AGAP1: variants seen among roughly 807,000 people sequenced by gnomAD.
AGAP1 encodes arf-GAP with GTPase, ANK repeat and PH domain-containing protein 1.
In AGAP1, 29 loss-of-function variants were observed where a neutral mutation model predicts 105.3. That is an observed-to-expected ratio of 0.28 (90% CI 0.21 to 0.38). AGAP1 has a LOEUF of 0.38. AGAP1 is among the 10% of genes least tolerant of loss of function. The pLI is 1.00. For synonymous variants in AGAP1, 509 were observed against 485.9 expected (o/e 1.05, Z -0.63); for missense variants, 998 against 1,165.1 (o/e 0.86, Z 2.09).
At chr2:235,527,589 C>T (rs1162910547) in intron 1 of AGAP1, among the ~76,000 whole-genome samples, 2 of 152,134 alleles carry the variant, frequency 1.3e-5, no homozygotes, top group Non-Finnish European at 2.9e-5. Flanking sequence ...AGGTCTCGCT[C>T]TGTTGTCAGG....
chr2:235,626,702 C>T (rs1024888658), intron 1 of AGAP1, among the ~76,000 whole-genome samples: 6 of 152,062 alleles, frequency 3.9e-5, no homozygotes, highest in African/African-American at 1.4e-4. Flanking sequence ...TTCTGAGGGG[C>T]GAAAGTATAG....
intron 1 of AGAP1, among the ~76,000 whole-genome samples, chr2:235,565,256 G>C (rs999810809): frequency 1.3e-5 from 2 of 151,956 alleles, no homozygotes; most frequent in African/African-American, 4.8e-5. Context: ...TGAGCCAGGA[G>C]CATCTTCGCA....
chr2:235,831,144 CTT>C (rs1464161380), intron 9 of AGAP1, among the ~76,000 whole-genome samples: 1 of 148,592 alleles, frequency 6.7e-6, no homozygotes, highest in African/African-American at 2.5e-5. Flanking sequence ...ACATTCGAGA[CTT>C]TAACTAGATT....
rs2059169719 is a variant in AGAP1, at chr2:236,095,472, A to G, written c.2115-24720A>G. On this transcript the variant is annotated intron_variant, in intron 16 of 17. Coordinates refer to ENST00000304032, the MANE Select transcript of AGAP1 (RefSeq NM_001037131.3). This position sits in a 1 kb window ranked among gnomAD's most constrained non-coding sequence, Gnocchi z 4.1. ...GGCTGGAGGATCACTTGAGCACAGG[A>G]GTTTGAGACCAGCGTGGGCAACATA... 6.6e-6 allele frequency among the ~76,000 whole-genome samples: 1 copy of G among 152,094 alleles called. No homozygotes were observed. Among genetic ancestry groups the G allele is most frequent in the South Asian group, 2.1e-4 (1 of 4,814 alleles).
chr2:235,943,949 T>C (rs1028777994), intron 12 of AGAP1, among the ~76,000 whole-genome samples: 7 of 152,198 alleles, frequency 4.6e-5, no homozygotes, highest in South Asian at 2.1e-4. Flanking sequence ...GAAAGTGATA[T>C]TAATATTAAT....
chr2:235,978,217 A>G (rs1396210233), intron 13 of AGAP1, among the ~76,000 whole-genome samples: 1 of 152,184 alleles, frequency 6.6e-6, no homozygotes, highest in African/African-American at 2.4e-5. Flanking sequence ...GGAGGGAGAC[A>G]AACATTCAGT....
chr2:236,124,041 C>T lies in AGAP1; in HGVS notation c.2493C>T (p.Phe831=), dbSNP rs1371410744. ...AGTACGGCTGCCCCGACGAGCGCTT[C>T]GTGCTCATGGCCACCCCTAACCTGT... ...LLQYGCPDER[F]VLMATPNLSR... is the part of the protein sequence containing the mutation. Residue 831 remains phenylalanine, a synonymous_variant, in exon 18 of 18, where the codon TTC becomes TTT. Coordinates refer to ENST00000304032, the MANE Select transcript of AGAP1 (RefSeq NM_001037131.3). This position sits in a 1 kb window ranked among gnomAD's most constrained non-coding sequence, Gnocchi z 5.1. 3.7e-6 allele frequency: 6 copies of T among 1,614,002 alleles called. No homozygotes were observed. The highest frequency in any genetic ancestry group is 1.6e-4 in the Middle Eastern group (1 of 6,084).
chr2:235,995,406 C>T (rs747981294), intron 13 of AGAP1, among the ~76,000 whole-genome samples: 2 of 151,242 alleles, frequency 1.3e-5, no homozygotes, highest in Non-Finnish European at 2.9e-5. Flanking sequence ...CCTAGCTCCT[C>T]GGGAGGCTGA....
intron 1 of AGAP1, among the ~76,000 whole-genome samples, chr2:235,699,692 T>G (rs1319590398): frequency 6.6e-6 from 1 of 152,232 alleles, no homozygotes; most frequent in Non-Finnish European, 1.5e-5. Flanking sequence ...GCCACAGTGC[T>G]TTACCCATAG....
rs1956771635 is a variant in AGAP1 at position 235,788,313 on chromosome 2, C to A, written c.674-9446C>A. Among the ~76,000 whole-genome samples, 1 of 152,094 alleles carries A rather than the reference C, an allele frequency of 6.6e-6. No individual in the cohort carries two copies. Among genetic ancestry groups the A allele is most frequent in the African/African-American group, 2.4e-5 (1 of 41,408 alleles). ...CTAATCCCTAAGGATAGGAAAAGAC[C>A]TAGAAGATTTGAGGATTTTAATTCA... On this transcript the variant is annotated intron_variant, in intron 6 of 17. Coordinates refer to ENST00000304032, the MANE Select transcript of AGAP1 (RefSeq NM_001037131.3). This position sits in a 1 kb window ranked among gnomAD's most constrained non-coding sequence, Gnocchi z 6.0.
At chr2:236,097,368 T>C (rs1190783468) in intron 16 of AGAP1, among the ~76,000 whole-genome samples, 2 of 148,836 alleles carry the variant, frequency 1.3e-5, no homozygotes, top group African/African-American at 2.5e-5. Context: ...ATATAAAATT[T>C]GTCATCCTAA....
chr2:235,581,635 G>A (rs1435922749), intron 1 of AGAP1, among the ~76,000 whole-genome samples: 3 of 151,440 alleles, frequency 2.0e-5, no homozygotes, highest in African/African-American at 4.9e-5. Flanking sequence ...GTGAAATTCC[G>A]TCTCTGCTAA....
At position 235,981,148 on chromosome 2, in the gene AGAP1, T is replaced by A. The variant is rs546454903; in HGVS notation, c.1645+12525T>A. ...ACTGTGAGATGTTTCTCAAAGTCTG[T>A]CTTGAACTTGCCAACACATGCTGCC... On this transcript the variant is annotated intron_variant, in intron 13 of 17. Coordinates refer to ENST00000304032, the MANE Select transcript of AGAP1 (RefSeq NM_001037131.3). This position sits in a 1 kb window ranked among gnomAD's most constrained non-coding sequence, Gnocchi z 5.5. Among the ~76,000 whole-genome samples the A allele has an allele frequency of 1.3e-5, 2 of 152,208 alleles. No homozygotes were observed. Among genetic ancestry groups the A allele is most frequent in the African/African-American group, 2.4e-5 (1 of 41,444 alleles).
chr2:235,752,716 G>T lies in AGAP1; in HGVS notation c.673+2228G>T, dbSNP rs1015140639. On this transcript the variant is annotated intron_variant, in intron 6 of 17. Coordinates refer to ENST00000304032, the MANE Select transcript of AGAP1 (RefSeq NM_001037131.3). This position sits in a 1 kb window ranked among gnomAD's most constrained non-coding sequence, Gnocchi z 4.3. ...ACTCCTTTGCTTTTGTATTTATCAC[G>T]GTTAACATACATGAGTTTTCCATAA... 6.6e-6 allele frequency among the ~76,000 whole-genome samples: 1 copy of T among 152,160 alleles called. No homozygotes were observed. Among genetic ancestry groups the T allele is most frequent in the Non-Finnish European group, 1.5e-5 (1 of 68,036 alleles).
chr2:235,924,952 A>AAG (rs35636435), intron 11 of AGAP1, among the ~76,000 whole-genome samples: 71,074 of 151,784 alleles, frequency 0.47, 18,264 homozygotes, highest in African/African-American at 0.68. Flanking sequence ...CACCCAGAGG[A>AAG]AGAAGAAACT....
rs1300429859 is a variant in AGAP1 at position 235,877,871 on chromosome 2, C to T, written c.1051-5474C>T. On this transcript the variant is annotated intron_variant, in intron 9 of 17. Coordinates refer to ENST00000304032, the MANE Select transcript of AGAP1 (RefSeq NM_001037131.3). This position sits in a 1 kb window ranked among gnomAD's most constrained non-coding sequence, Gnocchi z 4.3. ...CACACTTTGAGCTGGAAAGTGCTTC[C>T]GTCTTTTGCCAACTTAAAATTTGTC... Among the ~76,000 whole-genome samples the T allele has an allele frequency of 2.6e-5, 4 of 152,132 alleles. No individual in the cohort carries two copies. The highest frequency in any genetic ancestry group is 9.7e-5 in the African/African-American group (4 of 41,424).
rs1006846420 is a variant in AGAP1 at position 235,517,594 on chromosome 2, T to C, written c.163+22745T>C. 6.6e-6 allele frequency among the ~76,000 whole-genome samples: 1 copy of C among 152,174 alleles called. No individual in the cohort carries two copies. The highest frequency in any genetic ancestry group is 6.5e-5 in the Admixed American group (1 of 15,280). The stretch of plus-strand genomic sequence containing the variant: ...AAAGAACTTGTTTAGATCAAAGTCA[T>C]GTTTTTAAAATATAAACTAGATTAT... On this transcript the variant is annotated intron_variant, in intron 1 of 17. Coordinates refer to ENST00000304032, the MANE Select transcript of AGAP1 (RefSeq NM_001037131.3). The surrounding 1 kb of genome is among the most constrained non-coding windows in gnomAD (Gnocchi z 4.1).
At chr2:235,766,338 T>C (rs1259113430) in intron 6 of AGAP1, among the ~76,000 whole-genome samples, 1 of 152,232 alleles carries the variant, frequency 6.6e-6, no homozygotes, top group Non-Finnish European at 1.5e-5. Context: ...AAGGACCGTA[T>C]GGCCCATGAA....
Position 235,720,713 on chromosome 2 carries a change from G to T in AGAP1, c.310+3069G>T. 1.0e-6 allele frequency: 1 copy of T among 985,210 alleles called. No individual in the cohort carries two copies. The highest frequency in any genetic ancestry group is 1.7e-5 in the African/African-American group (1 of 57,338). The allele number at this position is 985,210 out of a possible 1,614,324, so 61.0% of individuals were successfully genotyped here. ...GCCCTGTTCTTCTGATTTAATTAGT[G>T]CGTGAGTATCCTTTATGTCATAATC... On this transcript the variant is annotated intron_variant, in intron 3 of 17. Coordinates refer to ENST00000304032, the MANE Select transcript of AGAP1 (RefSeq NM_001037131.3). The surrounding 1 kb of genome is among the most constrained non-coding windows in gnomAD (Gnocchi z 5.0).
Sources: allele counts gnomAD v4.1 joint callset (sites outside exome capture counted in the v4.1 genomes callset), GRCh38; gene constraint gnomAD v4.1.1; non-coding constraint Gnocchi (gnomAD v3.1); transcripts MANE v1.5; gene names NCBI Gene and HGNC (gene_info 2026-07-23, HGNC 2026-07-21).